MTUS2: variants seen among roughly 807,000 people sequenced by gnomAD.
MTUS2 encodes microtubule associated scaffold protein 2.
MTUS2 carries 40 observed loss-of-function variants against 114.1 expected under a neutral mutation model. That is an observed-to-expected ratio of 0.35 (90% CI 0.27 to 0.46). MTUS2 has a LOEUF of 0.46. MTUS2 is among the 20% of genes least tolerant of loss of function. The pLI, the probability that MTUS2 is intolerant of heterozygous loss-of-function variation, is 1.00. For synonymous variants in MTUS2, 688 were observed against 672.0 expected (o/e 1.02, Z -0.37); for missense variants, 1,679 against 1,705.4 (o/e 0.98, Z 0.27).
intron 4 of MTUS2, among the ~76,000 whole-genome samples, chr13:29,036,831 C>T (rs373460774): frequency 0.013 from 214 of 16,438 alleles, 2 homozygotes; most frequent in African/African-American, 0.025. Flanking sequence ...GATTGCAACC[C>T]TTGTCTTTTT....
chr13:29,038,971 C>T (rs368671752), intron 4 of MTUS2, among the ~76,000 whole-genome samples: 52 of 152,308 alleles, frequency 3.4e-4, no homozygotes, highest in African/African-American at 1.1e-3. Flanking sequence ...AGGTGAGCCT[C>T]GGAAAAGTCT....
At chr13:29,145,191 A>C (rs1892380468) in intron 5 of MTUS2, among the ~76,000 whole-genome samples, 1 of 152,084 alleles carries the variant, frequency 6.6e-6, no homozygotes, top group Non-Finnish European at 1.5e-5. Flanking sequence ...AAAGGACACA[A>C]TTTACATATG....
intron 2 of MTUS2, among the ~76,000 whole-genome samples, chr13:28,900,050 A>G (rs1265442633): frequency 1.3e-5 from 2 of 151,402 alleles, no homozygotes; most frequent in Non-Finnish European, 2.9e-5. Flanking sequence ...ACCATGCCTG[A>G]CTAATTTTTA....
intron 5 of MTUS2, among the ~76,000 whole-genome samples, chr13:29,113,040 A>G (rs1890943398): frequency 6.6e-6 from 1 of 152,182 alleles, no homozygotes; most frequent in Non-Finnish European, 1.5e-5. Flanking sequence ...TATACCGGAA[A>G]CAATCTGATG....
intron 8 of MTUS2, among the ~76,000 whole-genome samples, chr13:29,392,146 CA>C (rs56797889): frequency 0.28 from 38,722 of 136,846 alleles, 5,444 homozygotes; most frequent in Middle Eastern, 0.41. Context: ...AAAAACAAAC[CA>C]AAAAAAAAAA....
chr13:29,288,514 A>G lies in MTUS2; in HGVS notation c.2806+6649A>G, dbSNP rs1354395967. 3.9e-5 allele frequency among the ~76,000 whole-genome samples: 6 copies of G among 152,294 alleles called. No homozygotes were observed. In the East Asian group the frequency reaches 9.6e-4, roughly 24 times the overall value. ...ATTCTTGCTTTTTAGAATGAGTGAC[A>G]CTTGCCTCTGTGTATAGAAATGTCA... On this transcript the variant is annotated intron_variant, in intron 6 of 15. Coordinates refer to ENST00000612955, the MANE Select transcript of MTUS2 (RefSeq NM_001033602.4).
intron 9 of MTUS2, among the ~76,000 whole-genome samples, chr13:29,441,361 C>T (rs188381167): frequency 1.2e-3 from 185 of 152,280 alleles, no homozygotes; most frequent in Middle Eastern, 3.4e-3. Context: ...CCCCACTCCC[C>T]GCAGACGCTT....
At chr13:29,213,975 T>C (rs1234154153) in intron 5 of MTUS2, among the ~76,000 whole-genome samples, 3 of 152,180 alleles carry the variant, frequency 2.0e-5, no homozygotes, top group East Asian at 1.9e-4. Context: ...CTGTCTCTTA[T>C]TTTTGTGTTC....
At chr13:29,162,816 C>T (rs1286769680) in intron 5 of MTUS2, among the ~76,000 whole-genome samples, 1 of 152,182 alleles carries the variant, frequency 6.6e-6, no homozygotes, top group African/African-American at 2.4e-5. Context: ...GTCACTGCAG[C>T]CAGATCATCC....
Position 29,309,468 on chromosome 13 carries a change from C to G in MTUS2, c.2807-15145C>G, listed in dbSNP as rs563522394. On this transcript the variant is annotated intron_variant, in intron 6 of 15. Coordinates refer to ENST00000612955, the MANE Select transcript of MTUS2 (RefSeq NM_001033602.4). ...GGAGGGAAAGCATCAGGAAGAATAGCTAATGGATGCCGGGCTTAATACCTA... is the reference window on the plus strand; with the variant it reads ...GGAGGGAAAGCATCAGGAAGAATAGGTAATGGATGCCGGGCTTAATACCTA... Among the ~76,000 whole-genome samples the G allele has an allele frequency of 8.5e-5, 13 of 152,208 alleles. No individual in the cohort carries two copies. In the South Asian group the frequency reaches 2.1e-3, roughly 24 times the overall value.
rs145974312 is a variant in MTUS2, at chr13:29,353,869, A to G, written c.2906-5393A>G. Reference sequence around the variant, plus strand: ...GTATTGTCCCACTAATCCTTGGCAGAGTTCTGTCCCCATCCTGAGATCCTC... The same window carrying G: ...GTATTGTCCCACTAATCCTTGGCAGGGTTCTGTCCCCATCCTGAGATCCTC... On this transcript the variant is annotated intron_variant, in intron 7 of 15. Transcript: ENST00000612955. Among the ~76,000 whole-genome samples the G allele has an allele frequency of 2.6e-5, 4 of 152,248 alleles. No individual in the cohort carries two copies. The East Asian group carries it at 7.7e-4, about 29-fold the overall frequency.
chr13:28,905,331 C>T (rs1349336916), intron 2 of MTUS2, among the ~76,000 whole-genome samples: 1 of 151,516 alleles, frequency 6.6e-6, no homozygotes, highest in Non-Finnish European at 1.5e-5. Context: ...CTGTCTTGTG[C>T]CTCTTTTCGA....
chr13:29,428,781 C>T (rs1876764161), intron 8 of MTUS2: 2 of 1,611,476 alleles, frequency 1.2e-6, no homozygotes, highest in African/African-American at 2.7e-5. Flanking sequence ...GGTACCTCGG[C>T]TTAGGAGTTG....
intron 5 of MTUS2, among the ~76,000 whole-genome samples, chr13:29,209,336 T>C (rs1895325082): frequency 1.3e-5 from 2 of 152,152 alleles, no homozygotes; most frequent in South Asian, 2.1e-4. Flanking sequence ...GGTGAGTCTC[T>C]TGAAGAGAGC....
Position 29,389,359 on chromosome 13 carries a change from G to T in MTUS2, c.3117+29886G>T. Among the ~76,000 whole-genome samples, 2 of 82,798 alleles carry T rather than the reference G, an allele frequency of 2.4e-5. 1 individual carries two copies. The highest frequency in any genetic ancestry group is 4.6e-5 in the Non-Finnish European group (2 of 43,238). The allele number at this position is 82,798 out of a possible 152,430, so 54.3% of individuals were successfully genotyped here. The stretch of plus-strand genomic sequence containing the variant: ...TATGTATGCACGTGTGTGTATATAT[G>T]TATGCACGTGTGTGTATATATGTAT... On this transcript the variant is annotated intron_variant, in intron 8 of 15. Transcript: ENST00000612955.
chr13:28,945,299 C>CTT (rs34139434), intron 2 of MTUS2, among the ~76,000 whole-genome samples: 131,308 of 151,814 alleles, frequency 0.86, 57,548 homozygotes, highest in Non-Finnish European at 0.95. Flanking sequence ...GGGAAGGTAT[C>CTT]TTCGATATAA....
chr13:28,893,278 T>C (rs1303273441), intron 2 of MTUS2, among the ~76,000 whole-genome samples: 1 of 152,100 alleles, frequency 6.6e-6, no homozygotes, highest in Non-Finnish European at 1.5e-5. Context: ...GAAGAGGTAT[T>C]CATGTAGGGA....
chr13:29,332,003 T>G lies in MTUS2; in HGVS notation c.2905+7292T>G, dbSNP rs554172878. Among the ~76,000 whole-genome samples the G allele has an allele frequency of 2.0e-5, 3 of 152,312 alleles. 1 individual carries two copies. In the South Asian group the frequency reaches 6.2e-4, roughly 32 times the overall value. On this transcript the variant is annotated intron_variant, in intron 7 of 15. Transcript: ENST00000612955. ...TTTTCTCGTTAATGTTCATCAGGGA[T>G]ATTGGCCTGAAATTTTCTTTTTTTG...
chr13:29,309,572 A>G (rs920921614), intron 6 of MTUS2, among the ~76,000 whole-genome samples: 21 of 152,144 alleles, frequency 1.4e-4, no homozygotes, highest in African/African-American at 4.8e-4. Context: ...CTGCACATGT[A>G]CTCCTGAACT....
Sources: allele counts gnomAD v4.1 joint callset (sites outside exome capture counted in the v4.1 genomes callset), GRCh38; gene constraint gnomAD v4.1.1; transcripts MANE v1.5; gene names NCBI Gene and HGNC (gene_info 2026-07-23, HGNC 2026-07-21).